The following RIT2 variants were observed in gnomAD, a reference collection of about 807,000 sequenced individuals.
RIT2 encodes the protein Ras like without CAAX 2.
Under a neutral mutation model 23.7 loss-of-function variants are expected in RIT2, and 24 were observed. That is an observed-to-expected ratio of 1.01 (90% CI 0.73 to 1.43). The LOEUF (loss-of-function observed/expected upper bound fraction) is 1.43. Among genes scored for constraint, RIT2 ranks in the 40% most tolerant of loss-of-function variants. The pLI, the probability that RIT2 is intolerant of heterozygous loss-of-function variation, is 0.00. For missense variants in RIT2, 236 were observed against 266.9 expected (o/e 0.88, Z 0.81); for synonymous variants, 107 against 91.1 (o/e 1.17, Z -0.99).
intron 4 of RIT2, among the ~76,000 whole-genome samples, chr18:42,922,748 A>G (rs1909083450): frequency 6.6e-6 from 1 of 152,288 alleles, no homozygotes; most frequent in African/African-American, 2.4e-5. Context: ...ATCCCAGTCT[A>G]AGCTAGCCAC....
At chr18:43,024,519 T>C (rs927939406) in intron 2 of RIT2, among the ~76,000 whole-genome samples, 3 of 152,040 alleles carry the variant, frequency 2.0e-5, no homozygotes, top group African/African-American at 7.2e-5. Flanking sequence ...AATTCATGAC[T>C]GAGACCTCAA....
rs192211299 is a variant in RIT2 at position 42,791,015 on chromosome 18, C to G, written c.427-47295G>C. ...CCAAGGGAGTGATGCTCCACCCTTT[C>G]TTGGCCTAAGGGTTTCCTCCCTACA... is the stretch of plus-strand genomic sequence containing the variant. On this transcript the variant is annotated intron_variant, in intron 4 of 4. Transcript: ENST00000326695. Among the ~76,000 whole-genome samples the G allele has an allele frequency of 5.9e-5, 9 of 152,274 alleles. No individual in the cohort carries two copies. The East Asian group carries it at 1.7e-3, about 29-fold the overall frequency.
intron 4 of RIT2, among the ~76,000 whole-genome samples, chr18:42,910,046 C>A (rs910276604): frequency 6.6e-6 from 1 of 152,098 alleles, no homozygotes; most frequent in African/African-American, 2.4e-5. Context: ...GAAATGGTAA[C>A]ACATTGACAC....
At chr18:42,990,316 G>A (rs758010465) in intron 2 of RIT2, among the ~76,000 whole-genome samples, 1 of 152,068 alleles carries the variant, frequency 6.6e-6, no homozygotes, top group Admixed American at 6.6e-5. Flanking sequence ...CCACATTAGG[G>A]AGGGCGATTT....
chr18:42,824,081 A>T (rs961932348), intron 4 of RIT2, among the ~76,000 whole-genome samples: 3 of 152,154 alleles, frequency 2.0e-5, no homozygotes, highest in African/African-American at 7.2e-5. Context: ...AAATGATGTT[A>T]AAAAATCATG....
chr18:43,045,819 C>T (rs927076025), intron 1 of RIT2, among the ~76,000 whole-genome samples: 1 of 151,860 alleles, frequency 6.6e-6, no homozygotes, highest in Non-Finnish European at 1.5e-5. Context: ...CATTAGCTTC[C>T]CTCAGCTTCC....
At chr18:42,991,189 C>T (rs1319823803) in intron 2 of RIT2, among the ~76,000 whole-genome samples, 1 of 152,156 alleles carries the variant, frequency 6.6e-6, no homozygotes, top group African/African-American at 2.4e-5. Context: ...AGCAGCAATG[C>T]ACTTTCCCAG....
chr18:43,091,786 C>T (rs1913428756), intron 1 of RIT2, among the ~76,000 whole-genome samples: 1 of 152,084 alleles, frequency 6.6e-6, no homozygotes, highest in African/African-American at 2.4e-5. Flanking sequence ...CTCCTGGTCT[C>T]TTCTCTGCCT....
intron 2 of RIT2, among the ~76,000 whole-genome samples, chr18:43,004,345 G>A (rs1333827623): frequency 6.6e-6 from 1 of 151,836 alleles, no homozygotes; most frequent in East Asian, 1.9e-4. Flanking sequence ...AGTGAGTTTA[G>A]CTCATTCAGA....
At chr18:42,838,477 A>G (rs1170750920) in intron 4 of RIT2, among the ~76,000 whole-genome samples, 1 of 152,120 alleles carries the variant, frequency 6.6e-6, no homozygotes, top group Non-Finnish European at 1.5e-5. Context: ...TTATGCCAAG[A>G]TCTCTGGCTG....
At chr18:43,112,488 C>T (rs1473029630) in intron 1 of RIT2, among the ~76,000 whole-genome samples, 2 of 152,096 alleles carry the variant, frequency 1.3e-5, no homozygotes, top group South Asian at 2.1e-4. Context: ...GTTTAAAATT[C>T]CTCACATAAA....
intron 4 of RIT2, among the ~76,000 whole-genome samples, chr18:42,778,986 C>A (rs1382525606): frequency 6.6e-6 from 1 of 152,084 alleles, no homozygotes; most frequent in Non-Finnish European, 1.5e-5. Flanking sequence ...TCCCTAGTAA[C>A]CCCCTTCCCC....
rs75001699 is a variant in RIT2 at position 43,031,927 on chromosome 18, C to T, written c.160+1884G>A. 1.5e-4 allele frequency among the ~76,000 whole-genome samples: 23 copies of T among 152,080 alleles called. 1 individual carries two copies. In the East Asian group the frequency reaches 3.5e-3, roughly 23 times the overall value. On this transcript the variant is annotated intron_variant, in intron 2 of 4. Coordinates refer to ENST00000326695, the MANE Select transcript of RIT2 (RefSeq NM_002930.4). ...CCTCTTAAGAGGTCATTAAGTCAGC[C>T]ACATTGAGTTACAGTTATGTAGCAG...
chr18:43,106,891 T>A (rs1913835697), intron 1 of RIT2, among the ~76,000 whole-genome samples: 1 of 152,220 alleles, frequency 6.6e-6, no homozygotes, highest in Non-Finnish European at 1.5e-5. Context: ...CAGGTAGCAC[T>A]GTTTGGTCAG....
intron 2 of RIT2, among the ~76,000 whole-genome samples, chr18:43,020,286 A>C (rs1381282819): frequency 6.6e-6 from 1 of 152,066 alleles, no homozygotes; most frequent in African/African-American, 2.4e-5. Flanking sequence ...AGAGTTCAAG[A>C]CCAGCCTGAC....
intron 4 of RIT2, among the ~76,000 whole-genome samples, chr18:42,906,863 A>G (rs1908636472): frequency 6.6e-6 from 1 of 152,154 alleles, no homozygotes; most frequent in Non-Finnish European, 1.5e-5. Flanking sequence ...TGTACACAAC[A>G]CTCAAGGCCT....
chr18:42,826,614 A>T (rs1345559653), intron 4 of RIT2, among the ~76,000 whole-genome samples: 3 of 152,090 alleles, frequency 2.0e-5, no homozygotes, highest in African/African-American at 7.2e-5. Flanking sequence ...CCGTAGGTTG[A>T]CATTATACAA....
intron 4 of RIT2, among the ~76,000 whole-genome samples, chr18:42,764,547 C>A (rs759095255): frequency 6.6e-6 from 1 of 152,194 alleles, no homozygotes; most frequent in Non-Finnish European, 1.5e-5. Flanking sequence ...TTAACCTCCA[C>A]TGTCTTTGAA....
intron 4 of RIT2, among the ~76,000 whole-genome samples, chr18:42,875,273 C>A (rs7229454): frequency 0.025 from 3,849 of 151,552 alleles, 157 homozygotes; most frequent in African/African-American, 0.086. Flanking sequence ...TTTGACTTTA[C>A]CCCTCGGGCA....
Sources: gnomAD v4.1 joint callset for allele counts (sites outside exome capture counted in the v4.1 genomes callset) on GRCh38, gnomAD v4.1.1 for gene constraint, MANE v1.5 for transcripts, NCBI Gene and HGNC (gene_info 2026-07-23, HGNC 2026-07-21) for gene names.